DCLK1: variants seen among roughly 807,000 people sequenced by gnomAD.
DCLK1 encodes serine/threonine-protein kinase DCLK1.
A neutral mutation model predicts 86.2 loss-of-function variants in DCLK1; 16 were observed. The ratio of observed to expected loss-of-function variants is 0.19; its 90% CI spans 0.13 to 0.28. The LOEUF is 0.28. Ranked by LOEUF, DCLK1 falls within the 10% of genes least tolerant of loss-of-function variation. The probability of loss-of-function intolerance (pLI) is 1.00; values close to 1 mark genes in which losing one functional copy is unlikely to be tolerated. For missense variants in DCLK1, 590 were observed against 940.2 expected (o/e 0.63, Z 4.87); for synonymous variants, 369 against 370.5 (o/e 1.00, Z 0.05).
chr13:36,061,556 T>C (rs911599286), intron 3 of DCLK1, among the ~76,000 whole-genome samples: 2 of 152,150 alleles, frequency 1.3e-5, no homozygotes, highest in Non-Finnish European at 2.9e-5. Context: ...TTTCTCTCCT[T>C]CTACCCAAAG....
In DCLK1 at chr13:35,982,002, AC is replaced by A. The variant is rs779981438; in HGVS notation, c.724-34546del. 1.1e-4 allele frequency among the ~76,000 whole-genome samples: 17 copies of A among 152,262 alleles called. 1 individual carries two copies. In the East Asian group the frequency reaches 1.5e-3, roughly 14 times the overall value. ...GCCATCCTAGTGGGTGTGAGGTAGAACCCTTCATTCATGTATTTTTTTAAAC... is the reference window on the plus strand; with the variant it reads ...GCCATCCTAGTGGGTGTGAGGTAGAACCTTCATTCATGTATTTTTTTAAAC... On this transcript the variant is annotated intron_variant, in intron 3 of 16. Coordinates refer to ENST00000360631, the MANE Select transcript of DCLK1 (RefSeq NM_001330071.2).
At chr13:35,885,893 G>T (rs1166085352) in intron 4 of DCLK1, among the ~76,000 whole-genome samples, 2 of 152,102 alleles carry the variant, frequency 1.3e-5, no homozygotes, top group African/African-American at 2.4e-5. Context: ...TATAGTGATG[G>T]TGATGTTCTG....
chr13:36,017,806 A>C (rs1487563526), intron 3 of DCLK1, among the ~76,000 whole-genome samples: 1 of 151,978 alleles, frequency 6.6e-6, no homozygotes, highest in Admixed American at 6.6e-5. Context: ...CACAACTGCA[A>C]CTCTCATCAC....
At chr13:36,082,234 A>T (rs113096153) in intron 3 of DCLK1, among the ~76,000 whole-genome samples, 1 of 152,116 alleles carries the variant, frequency 6.6e-6, no homozygotes, top group African/African-American at 2.4e-5. Flanking sequence ...AGCCTACTCA[A>T]GGTGAAGGCA....
At chr13:36,101,017 A>C (rs1451635349) in intron 3 of DCLK1, among the ~76,000 whole-genome samples, 3 of 152,182 alleles carry the variant, frequency 2.0e-5, no homozygotes, top group Non-Finnish European at 4.4e-5. Flanking sequence ...CCATGTTGGG[A>C]ATTGTCTCAT....
chr13:35,807,828 G>A (rs981265471), intron 14 of DCLK1, among the ~76,000 whole-genome samples: 1 of 152,212 alleles, frequency 6.6e-6, no homozygotes, highest in African/African-American at 2.4e-5. Flanking sequence ...TTTAAGAGAT[G>A]CAATTGGAAC....
At chr13:36,002,359 G>A (rs1593806714) in intron 3 of DCLK1, among the ~76,000 whole-genome samples, 1 of 152,062 alleles carries the variant, frequency 6.6e-6, no homozygotes, top group African/African-American at 2.4e-5. Context: ...ACCAATATTC[G>A]CTAGAATAAT....
At chr13:35,919,654 G>T (rs1478998694) in intron 4 of DCLK1, among the ~76,000 whole-genome samples, 2 of 151,928 alleles carry the variant, frequency 1.3e-5, no homozygotes, top group Non-Finnish European at 2.9e-5. Context: ...TTGCAACCTG[G>T]TTTCAACAAT....
chr13:35,842,122 G>A (rs574394533), intron 6 of DCLK1, among the ~76,000 whole-genome samples: 146 of 151,268 alleles, frequency 9.7e-4, no homozygotes, highest in African/African-American at 3.4e-3. Context: ...CCAGCTAATC[G>A]GGAGGCTGAG....
intron 11 of DCLK1, among the ~76,000 whole-genome samples, chr13:35,815,936 GAAAAAGT>G (rs2087254854): frequency 6.6e-6 from 1 of 152,020 alleles, no homozygotes; most frequent in Admixed American, 6.6e-5. Flanking sequence ...GTAATTAAAC[GAAAAAGT>G]AAAATTGCTC....
intron 16 of DCLK1, among the ~76,000 whole-genome samples, chr13:35,783,131 C>T (rs531742945): frequency 1.3e-5 from 2 of 152,218 alleles, no homozygotes; most frequent in Admixed American, 6.5e-5. Context: ...AACATAATGC[C>T]GCAAATGCTC....
At chr13:35,912,259 C>T (rs181678279) in intron 4 of DCLK1, among the ~76,000 whole-genome samples, 3 of 152,194 alleles carry the variant, frequency 2.0e-5, no homozygotes, top group African/African-American at 7.2e-5. Flanking sequence ...GGGGTAGGTC[C>T]GTGGCAAAAT....
At chr13:35,850,821 G>A (rs764556839) in intron 6 of DCLK1, 1 of 1,537,532 alleles carries the variant, frequency 6.5e-7, no homozygotes, top group South Asian at 1.3e-5. Flanking sequence ...CGGCTTTCTT[G>A]GGTGCCCTGT....
intron 3 of DCLK1, among the ~76,000 whole-genome samples, chr13:35,963,913 C>T (rs1449387900): frequency 6.6e-6 from 1 of 152,130 alleles, no homozygotes; most frequent in East Asian, 1.9e-4. Context: ...ATAAATTACC[C>T]AATTTTGAGT....
At chr13:35,856,887 G>A (rs1593666947) in intron 5 of DCLK1, among the ~76,000 whole-genome samples, 2 of 152,138 alleles carry the variant, frequency 1.3e-5, no homozygotes, top group African/African-American at 2.4e-5. Context: ...TTTTACAGGT[G>A]AGGAAATTGA....
chr13:35,833,196 C>T (rs1163625030), intron 8 of DCLK1, among the ~76,000 whole-genome samples: 1 of 152,096 alleles, frequency 6.6e-6, no homozygotes, highest in Non-Finnish European at 1.5e-5. Flanking sequence ...TATCACTAAG[C>T]AATGCCAGCA....
At chr13:36,021,072 A>G (rs115920252) in intron 3 of DCLK1, among the ~76,000 whole-genome samples, 129 of 152,278 alleles carry the variant, frequency 8.5e-4, no homozygotes, top group African/African-American at 2.8e-3. Flanking sequence ...CACCGCCTTC[A>G]TGTATAAAGG....
intron 4 of DCLK1, among the ~76,000 whole-genome samples, chr13:35,922,142 C>T (rs1411045583): frequency 1.3e-5 from 2 of 152,144 alleles, no homozygotes; most frequent in African/African-American, 4.8e-5. Context: ...AATCAGGGCT[C>T]ACTTTCAATC....
At chr13:36,127,395 C>T (rs886095471) in intron 1 of DCLK1, among the ~76,000 whole-genome samples, 1 of 152,148 alleles carries the variant, frequency 6.6e-6, no homozygotes, top group Non-Finnish European at 1.5e-5. Context: ...TTAAGACTAT[C>T]TTTGTGATTG....
Sources: gnomAD v4.1 joint callset for allele counts (sites outside exome capture counted in the v4.1 genomes callset) on GRCh38, gnomAD v4.1.1 for gene constraint, MANE v1.5 for transcripts, NCBI Gene and HGNC (gene_info 2026-07-23, HGNC 2026-07-21) for gene names.